Variants in C15orf40 observed in about 807,000 individuals in gnomAD.
C15orf40 encodes chromosome 15 open reading frame 40.
C15orf40 carries 9 observed loss-of-function variants against 13.9 expected under a neutral mutation model. The ratio of observed to expected loss-of-function variants is 0.65; its 90% CI spans 0.39 to 1.13. C15orf40 has a LOEUF of 1.13. Among genes scored for constraint, C15orf40 ranks in the 50% most tolerant of loss-of-function variants. The probability of loss-of-function intolerance (pLI) is 0.01; values close to 1 mark genes in which losing one functional copy is unlikely to be tolerated. For synonymous variants in C15orf40, 95 were observed against 69.2 expected (o/e 1.37, Z -1.85); for missense variants, 225 against 188.5 (o/e 1.19, Z -1.13).
downstream of C15orf40, among the ~76,000 whole-genome samples, chr15:82,991,369 A>AC (rs763152958): frequency 3.3e-5 from 5 of 152,186 alleles, no homozygotes; most frequent in South Asian, 2.1e-4. Context: ...ACATGATGAG[A>AC]CCCCGTCTCT....
rs769064129 is a variant in C15orf40 at position 83,005,190 on chromosome 15, T to C, written c.*407A>G. ...TTATTCGAATATATACATATATATA[T>C]GTCCCCCATGTTCTTCTGTGCATGT... is the stretch of plus-strand genomic sequence containing the variant. On this transcript the variant is annotated 3_prime_UTR_variant, in exon 4 of 4. Transcript: ENST00000304177. 184 of 1,033,554 alleles carry C rather than the reference T, an allele frequency of 1.8e-4. 1 individual carries two copies. The highest frequency in any genetic ancestry group is 2.1e-4 in the Non-Finnish European group (181 of 857,556). 64.0% of individuals were successfully genotyped at this position (1,033,554 alleles called of 1,614,324 possible).
rs1240920888 is a variant in C15orf40 at position 82,995,960 on chromosome 15, C to G, written c.*9637G>C. 1 of 152,266 alleles carries G rather than the reference C, an allele frequency of 6.6e-6. No individual in the cohort carries two copies. The highest frequency in any genetic ancestry group is 2.4e-5 in the African/African-American group (1 of 41,446). 9.4% of individuals were successfully genotyped at this position (152,266 alleles called of 1,614,324 possible). On this transcript the variant is annotated 3_prime_UTR_variant, in exon 4 of 4. Transcript: ENST00000304177. ...CTGCTTAGGTGCAAGAAGGACAAGT[C>G]GCATAATTTTCACCAGTGTCTTCAT...
chr15:83,011,594 C>G lies in C15orf40; in HGVS notation c.14G>C (p.Arg5Pro). Residue 5 changes from arginine (R) to proline (P), a missense_variant, in exon 1 of 4, where the codon CGC (arginine) becomes CCC (proline). Transcript: ENST00000304177. ...TGCCCGAAGGTGCCTCAGCCCGCTG[C>G]GGAGCCGCAGCATCCCCGCCTGGGA... MLRL[R>P]SGLRHLRATP... 6.3e-7 allele frequency: 1 copy of G among 1,587,570 alleles called. No homozygotes were observed.
chr15:83,008,711 A>AG, intron 2 of C15orf40, 36 bp from the exon 3 acceptor site: 1 of 1,544,322 alleles, frequency 6.5e-7, no homozygotes, highest in Non-Finnish European at 8.7e-7. Flanking sequence ...ATCCTTAAGG[A>AG]GTTCTTTTTC....
chr15:83,010,435 AC>A (rs1299164137), intron 1 of C15orf40, 72 bp from the exon 2 acceptor site: 7 of 1,549,022 alleles, frequency 4.5e-6, no homozygotes, highest in Non-Finnish European at 5.3e-6. Flanking sequence ...TTCTTCCACT[AC>A]CCCCTTTCAC....
chr15:83,006,691 G>A (rs1013264704), intron 3 of C15orf40, among the ~76,000 whole-genome samples: 6 of 152,134 alleles, frequency 3.9e-5, no homozygotes, highest in Non-Finnish European at 5.9e-5. Flanking sequence ...GGGGCGGGGC[G>A]CGGGGCGGAT....
chr15:82,988,976 T>A (rs765261035), downstream of C15orf40: 6 of 1,539,406 alleles, frequency 3.9e-6, no homozygotes, highest in Non-Finnish European at 5.2e-6. Context: ...ATTTTTAAAT[T>A]TTTTTTAATG....
chr15:83,007,282 T>C (rs1028522361), intron 3 of C15orf40, among the ~76,000 whole-genome samples: 3 of 152,106 alleles, frequency 2.0e-5, no homozygotes, highest in African/African-American at 7.2e-5. Context: ...TGACTAACAA[T>C]AGGAATTGCT....
rs1276287749 is a variant in C15orf40, at chr15:83,005,742, C to T, written c.367-50G>A. On this transcript the variant is annotated intron_variant, in intron 3 of 3. Transcript: ENST00000304177. ...CTTTACTGTTTAGCACATTCTAATG[C>T]TATTAGAGATAGCAGACCTCCGTTG... 2.6e-6 allele frequency: 4 copies of T among 1,568,308 alleles called. No individual in the cohort carries two copies. The South Asian group carries it at 4.7e-5, about 18-fold the overall frequency.
chr15:82,989,245 C>T, downstream of C15orf40: 1 of 1,570,158 alleles, frequency 6.4e-7, no homozygotes, highest in South Asian at 1.2e-5. Flanking sequence ...TAGCTTTAAT[C>T]TGCTAGACTG....
intron 1 of C15orf40, 111 bp downstream of exon 1, chr15:83,011,386 C>T (rs2032002450): frequency 1.6e-6 from 2 of 1,245,902 alleles, no homozygotes; most frequent in Non-Finnish European, 2.1e-6. Context: ...AACTGAGAGA[C>T]GGCAAGCCGC....
intron 2 of C15orf40, among the ~76,000 whole-genome samples, chr15:83,009,659 T>G (rs568991183): frequency 2.4e-4 from 37 of 152,306 alleles, no homozygotes; most frequent in Non-Finnish European, 4.7e-4. Flanking sequence ...TCAGGAGCCC[T>G]GTCTGCCTGG....
At chr15:82,990,687 T>C, downstream of C15orf40, 1 of 1,508,566 alleles carries the variant, frequency 6.6e-7, no homozygotes, top group Non-Finnish European at 9.0e-7. Flanking sequence ...ATTGTCAGTT[T>C]GTGTCTTGAT....
In C15orf40 at chr15:83,000,544, T is replaced by G. The variant is rs2031374199; in HGVS notation, c.*5053A>C. 2 of 152,248 alleles carry G rather than the reference T, an allele frequency of 1.3e-5. No individual in the cohort carries two copies. The highest frequency in any genetic ancestry group is 4.1e-4 in the South Asian group (2 of 4,834). 9.4% of individuals were successfully genotyped at this position (152,248 alleles called of 1,614,324 possible). On this transcript the variant is annotated 3_prime_UTR_variant, in exon 4 of 4. Transcript: ENST00000304177. Reference sequence around the variant, plus strand: ...TCAGGCACTGCAGACTACCTAATAGTGCTGTTCACTACAAAAGGAAACGAG... The same window carrying G: ...TCAGGCACTGCAGACTACCTAATAGGGCTGTTCACTACAAAAGGAAACGAG...
downstream of C15orf40, among the ~76,000 whole-genome samples, chr15:82,989,394 T>G (rs574641189): frequency 4.6e-5 from 7 of 152,348 alleles, no homozygotes; most frequent in East Asian, 1.3e-3. Flanking sequence ...GCTGTTCAAG[T>G]GCGTGTGTTT....
chr15:83,009,513 A>G (rs1048012866), intron 2 of C15orf40, among the ~76,000 whole-genome samples: 4 of 152,240 alleles, frequency 2.6e-5, no homozygotes, highest in African/African-American at 9.6e-5. Context: ...AATGGTTTGA[A>G]ATACAGAGCT....
At position 83,008,186 on chromosome 15, in the gene C15orf40, C is replaced by T. The variant is rs141855890; in HGVS notation, c.366+362G>A. The T allele has an allele frequency of 1.8e-3, 376 of 209,828 alleles. 1 individual carries two copies. Among genetic ancestry groups the T allele is most frequent in the African/African-American group, 9.2e-3 (365 of 39,804 alleles). The allele number at this position is 209,828 out of a possible 1,614,324, so 13.0% of individuals were successfully genotyped here. A position where few individuals can be genotyped will look rare whatever the true frequency, so the allele number is the denominator to read the frequency against. The stretch of plus-strand genomic sequence containing the variant: ...CAGGCTGGACAACAGAGCGAGACTC[C>T]GTCTCAAAAAAAAAAAGAAAATAAT... On this transcript the variant is annotated intron_variant, in intron 3 of 3. Coordinates refer to ENST00000304177, the MANE Select transcript of C15orf40 (RefSeq NM_144597.3).
chr15:82,989,753 T>G, downstream of C15orf40: 1 of 1,182,558 alleles, frequency 8.5e-7, no homozygotes, highest in Non-Finnish European at 1.2e-6. Context: ...AACATTCTAT[T>G]GTGAAAAATG....
At chr15:83,010,468 C>G (rs2031938809) in intron 1 of C15orf40, 105 bp from the exon 2 acceptor site, 2 of 1,370,070 alleles carry the variant, frequency 1.5e-6, no homozygotes, top group African/African-American at 2.9e-5. Flanking sequence ...AAACTAGGCT[C>G]ATCAGTGGTG....
Sources: allele counts gnomAD v4.1 joint callset (sites outside exome capture counted in the v4.1 genomes callset), GRCh38; gene constraint gnomAD v4.1.1; transcripts MANE v1.5; gene names NCBI Gene and HGNC (gene_info 2026-07-23, HGNC 2026-07-21).